NPIPB15: variants seen among roughly 807,000 people sequenced by gnomAD.
NPIPB15 encodes the protein nuclear pore complex-interacting protein family member B15.
Under a neutral mutation model 35.9 loss-of-function variants are expected in NPIPB15, and 5 were observed. The ratio of observed to expected loss-of-function variants is 0.14; its 90% CI spans 0.07 to 0.29. The LOEUF (loss-of-function observed/expected upper bound fraction) is 0.29, where lower values mean the gene tolerates loss of function less well. Among genes scored for constraint, NPIPB15 ranks in the 10% least tolerant of loss-of-function variants. The pLI, the probability that NPIPB15 is intolerant of heterozygous loss-of-function variation, is 1.00. For missense variants in NPIPB15, 100 were observed against 506.1 expected, an observed-to-expected ratio of 0.20 and a Z score of 7.70; for synonymous variants, 43 against 182.0, an observed-to-expected ratio of 0.24 and a Z score of 6.15.
intron 2 of NPIPB15, among the ~76,000 whole-genome samples, chr16:74,379,196 C>T (rs1350820602): frequency 1.1e-4 from 17 of 152,312 alleles, no homozygotes; most frequent in East Asian, 3.9e-4. Flanking sequence ...TCTGGAATTT[C>T]GCGTATACAG....
At chr16:74,384,705 A>G (rs1312005454) in intron 3 of NPIPB15, among the ~76,000 whole-genome samples, 11 of 51,776 alleles carry the variant, frequency 2.1e-4, no homozygotes, top group South Asian at 1.4e-3. Flanking sequence ...TTTGAGACAG[A>G]GTTTCAATTT....
chr16:74,381,096 T>C (rs1350558225), intron 2 of NPIPB15, among the ~76,000 whole-genome samples: 2 of 134,980 alleles, frequency 1.5e-5, no homozygotes, highest in African/African-American at 5.7e-5. Context: ...TGAGCCGAGA[T>C]TGCACCACTG....
intron 2 of NPIPB15, among the ~76,000 whole-genome samples, chr16:74,379,038 G>A (rs1384735335): frequency 1.3e-5 from 2 of 152,222 alleles, no homozygotes; most frequent in African/African-American, 4.8e-5. Context: ...GACCTCAGGT[G>A]ATCCGCCCGC....
chr16:74,378,570 C>T (rs1321065173), intron 2 of NPIPB15, among the ~76,000 whole-genome samples: 118 of 148,262 alleles, frequency 8.0e-4, no homozygotes, highest in Non-Finnish European at 4.9e-4. Context: ...CAGATTACAA[C>T]GCCTGGCTAA....
rs1345620318 is a variant in NPIPB15, at chr16:74,391,384, C to T, written c.643-7C>T. On this transcript the variant is annotated splice_polypyrimidine_tract_variant and splice_region_variant and intron_variant, in intron 7 of 7. Transcript: ENST00000692376. ...GTGTGAAAACATTCCCTCCTTTGGC[C>T]CTACAGGTCAGAATGGCGGCAGCGG... 2.5e-6 allele frequency: 4 copies of T among 1,602,012 alleles called. No homozygotes were observed. The African/African-American group carries it at 4.0e-5, about 16-fold the overall frequency.
chr16:74,379,255 A>G (rs1490286397), intron 2 of NPIPB15, among the ~76,000 whole-genome samples: 1 of 152,180 alleles, frequency 6.6e-6, no homozygotes, highest in Non-Finnish European at 1.5e-5. Context: ...TATTCTGCTC[A>G]ACACCATGTT....
At chr16:74,379,096 A>G (rs1329809334) in intron 2 of NPIPB15, among the ~76,000 whole-genome samples, 1 of 94,898 alleles carries the variant, frequency 1.1e-5, no homozygotes. Flanking sequence ...CACCGTGCCC[A>G]GCCAAGATCT....
At chr16:74,386,457 A>ATTT (rs71218016) in intron 5 of NPIPB15, among the ~76,000 whole-genome samples, 18 of 66,260 alleles carry the variant, frequency 2.7e-4, no homozygotes, top group African/African-American at 1.1e-3. Flanking sequence ...CATTCGGCCA[A>ATTT]TTTTTTTTTT....
intron 3 of NPIPB15, among the ~76,000 whole-genome samples, chr16:74,384,414 G>A (rs1462097751): frequency 1.9e-5 from 2 of 106,196 alleles, no homozygotes; most frequent in East Asian, 5.5e-4. Context: ...CTGTCACCAG[G>A]CTGGAGTGCA....
In NPIPB15 at chr16:74,376,342, G is replaced by C. The variant is rs78549120; in HGVS notation, c.-1027G>C. On this transcript the variant is annotated 5_prime_UTR_variant, in exon 1 of 8. Transcript: ENST00000692376. ...GAGTTTGGGCACACTCTGTGTGATC[G>C]GGCAGAAGGCCTGTGGGAAGTTCAG... Among the ~76,000 whole-genome samples the C allele has an allele frequency of 3.3e-5, 5 of 151,740 alleles. No individual in the cohort carries two copies. In the South Asian group the frequency reaches 8.3e-4, roughly 25 times the overall value.
rs2012035405 is a variant in NPIPB15 at position 74,382,354 on chromosome 16, A to AGGTGACAAACTGCCGGG, written c.249+656_249+657insGGTGACAAACTGCCGGG. Among the ~76,000 whole-genome samples the AGGTGACAAACTGCCGGG allele has an allele frequency of 2.1e-5, 3 of 145,502 alleles. No homozygotes were observed. In the Admixed American group the frequency reaches 2.1e-4, roughly 10 times the overall value. On this transcript the variant is annotated intron_variant, in intron 3 of 7. Coordinates refer to ENST00000692376, the MANE Select transcript of NPIPB15 (RefSeq NM_001306094.2). ...TAGGGACGAGGTGACAAACTGCCGGAAGGTGAAGGGCAGAACTGCACTGCG... is the reference window on the plus strand; with the variant it reads ...TAGGGACGAGGTGACAAACTGCCGGAGGTGACAAACTGCCGGGAGGTGAAGGGCAGAACTGCACTGCG...
At chr16:74,377,633 C>G (rs1395597482) in intron 1 of NPIPB15, among the ~76,000 whole-genome samples, 1 of 151,906 alleles carries the variant, frequency 6.6e-6, no homozygotes, top group Admixed American at 6.6e-5. Flanking sequence ...CTGATCTTCT[C>G]CGTGACCTGT....
intron 3 of NPIPB15, among the ~76,000 whole-genome samples, chr16:74,382,767 A>C (rs889625767): frequency 4.6e-5 from 7 of 152,242 alleles, no homozygotes; most frequent in Non-Finnish European, 8.8e-5. Flanking sequence ...CACCTAGATA[A>C]TTACAAGTCA....
At chr16:74,385,930 CTTGT>C (rs2012255972) in intron 5 of NPIPB15, among the ~76,000 whole-genome samples, 181 bp downstream of exon 5, 1 of 116,992 alleles carries the variant, frequency 8.5e-6, no homozygotes, top group Non-Finnish European at 1.7e-5. Flanking sequence ...TTCCTACATT[CTTGT>C]TTGTAATTTT....
chr16:74,382,833 T>C (rs1445310429), intron 3 of NPIPB15, among the ~76,000 whole-genome samples: 5 of 151,666 alleles, frequency 3.3e-5, no homozygotes, highest in East Asian at 1.9e-4. Context: ...GTTATGAAGA[T>C]ATCTAGGCAC....
intron 3 of NPIPB15, 32 bp downstream of exon 3, chr16:74,381,730 T>G (rs2012008643): frequency 6.4e-7 from 1 of 1,565,288 alleles, no homozygotes; most frequent in Non-Finnish European, 8.6e-7. Flanking sequence ...AGAGGTATAC[T>G]TGTAATCACA....
In NPIPB15 at chr16:74,379,158, C is replaced by T. The variant is rs865811923; in HGVS notation, c.66+1119C>T. ...AACTCCCACTCTTCCCAGCCAGTCT[C>T]TTTCTTATCATAGGTTAGCTTGCTT... On this transcript the variant is annotated intron_variant, in intron 2 of 7. Coordinates refer to ENST00000692376, the MANE Select transcript of NPIPB15 (RefSeq NM_001306094.2). Among the ~76,000 whole-genome samples, 52 of 152,350 alleles carry T rather than the reference C, an allele frequency of 3.4e-4. No homozygotes were observed. In the Middle Eastern group the frequency reaches 0.014, roughly 40 times the overall value.
chr16:74,384,967 C>A (rs1341653104), intron 3 of NPIPB15, among the ~76,000 whole-genome samples: 1 of 130,572 alleles, frequency 7.7e-6, no homozygotes, highest in African/African-American at 3.0e-5. Context: ...AGGAGTGAGT[C>A]ACCGTGCCAG....
At chr16:74,384,763 C>A (rs1478929978) in intron 3 of NPIPB15, among the ~76,000 whole-genome samples, 15 of 145,696 alleles carry the variant, frequency 1.0e-4, no homozygotes, top group Non-Finnish European at 1.8e-4. Flanking sequence ...CTCACCACAA[C>A]CTTTTCCTGC....
Sources: gnomAD v4.1 joint callset for allele counts (sites outside exome capture counted in the v4.1 genomes callset) on GRCh38, gnomAD v4.1.1 for gene constraint, MANE v1.5 for transcripts, NCBI Gene and HGNC (gene_info 2026-07-23, HGNC 2026-07-21) for gene names.